Variants in CREBBP observed in about 807,000 individuals in gnomAD.
CREBBP encodes CREB binding lysine acetyltransferase, also known as CREB-binding protein.
CREBBP carries 19 observed loss-of-function variants against 265.0 expected under a neutral mutation model. That is an observed-to-expected ratio of 0.07 (90% CI 0.05 to 0.11). The LOEUF (loss-of-function observed/expected upper bound fraction) is 0.11. Ranked by LOEUF, CREBBP falls within the 10% of genes least tolerant of loss-of-function variation. CREBBP has a pLI of 1.00. For missense variants in CREBBP, 2,525 were observed against 3,219.0 expected, an observed-to-expected ratio of 0.78 and a Z score of 5.22; for synonymous variants, 1,457 against 1,223.7, an observed-to-expected ratio of 1.19 and a Z score of -3.98.
intron 2 of CREBBP, among the ~76,000 whole-genome samples, chr16:3,839,988 G>C (rs2054535728): frequency 6.6e-6 from 1 of 152,100 alleles, no homozygotes. Context: ...GTCATAATAA[G>C]ATCCCTGAGC....
At chr16:3,813,482 T>C (rs765040088) in intron 2 of CREBBP, among the ~76,000 whole-genome samples, 14 of 152,240 alleles carry the variant, frequency 9.2e-5, no homozygotes, top group Non-Finnish European at 1.5e-4. Flanking sequence ...ACTAAATTAA[T>C]TCCATGGAAC....
At chr16:3,815,707 T>A (rs903110882) in intron 2 of CREBBP, among the ~76,000 whole-genome samples, 2 of 151,990 alleles carry the variant, frequency 1.3e-5, no homozygotes, top group Non-Finnish European at 2.9e-5. Context: ...ATGGGTTACA[T>A]GAGTTTTTTT....
intron 25 of CREBBP, 138 bp from the exon 26 acceptor site, chr16:3,738,810 G>C (rs1233855580): frequency 2.9e-6 from 2 of 686,512 alleles, no homozygotes; most frequent in East Asian, 5.4e-5. Flanking sequence ...CGGTGACGCG[G>C]TCACAGCTCA....
intron 2 of CREBBP, among the ~76,000 whole-genome samples, chr16:3,845,218 G>A (rs756704067): frequency 3.3e-5 from 5 of 152,122 alleles, no homozygotes; most frequent in Non-Finnish European, 5.9e-5. Flanking sequence ...CTCTGTAGTG[G>A]GGTTCAGGCA....
Position 3,851,050 on chromosome 16 carries a change from C to G in CREBBP, c.86-41G>C, listed in dbSNP as rs766190725. 1.9e-6 allele frequency: 3 copies of G among 1,545,566 alleles called. No homozygotes were observed. In the Admixed American group the frequency reaches 5.0e-5, roughly 26 times the overall value. On this transcript the variant is annotated intron_variant, in intron 1 of 30. Coordinates refer to ENST00000262367, the MANE Select transcript of CREBBP (RefSeq NM_004380.3). ...AAATGGAAATGAGAAACTAAGCAAC[C>G]TTTACAGCTCTCCAACTGCCACGTT...
intron 28 of CREBBP, among the ~76,000 whole-genome samples, chr16:3,732,323 G>T (rs1208270986): frequency 6.6e-6 from 1 of 152,234 alleles, no homozygotes; most frequent in Non-Finnish European, 1.5e-5. Context: ...ACACACCCGA[G>T]AAAGCATGAG....
intron 20 of CREBBP, among the ~76,000 whole-genome samples, chr16:3,750,325 T>A (rs1333206132): frequency 6.6e-6 from 1 of 152,192 alleles, no homozygotes; most frequent in African/African-American, 2.4e-5. Context: ...TCTTACAAGT[T>A]AGGTTTTTTC....
At chr16:3,876,219 T>G (rs2055396717) in intron 1 of CREBBP, among the ~76,000 whole-genome samples, 1 of 151,826 alleles carries the variant, frequency 6.6e-6, no homozygotes, top group African/African-American at 2.4e-5. Context: ...AAAAAATTTT[T>G]TGTTTAGATG....
intron 16 of CREBBP, chr16:3,767,441 A>T (rs1349119753): frequency 1.8e-6 from 1 of 552,260 alleles, no homozygotes; most frequent in East Asian, 3.1e-5. Flanking sequence ...ACACATTTCA[A>T]CTCGGCCCCT....
chr16:3,853,377 A>G (rs898169014), intron 1 of CREBBP, among the ~76,000 whole-genome samples: 5 of 152,136 alleles, frequency 3.3e-5, no homozygotes, highest in South Asian at 4.1e-4. Flanking sequence ...TTGGGAGGCC[A>G]AGGTAGGCGG....
chr16:3,760,867 G>A (rs746832154), intron 16 of CREBBP, among the ~76,000 whole-genome samples: 2 of 150,802 alleles, frequency 1.3e-5, no homozygotes, highest in Non-Finnish European at 3.0e-5. Flanking sequence ...TGAACTCTCG[G>A]CCTCAAGTGA....
At chr16:3,876,192 T>C (rs908051565) in intron 1 of CREBBP, among the ~76,000 whole-genome samples, 1 of 151,720 alleles carries the variant, frequency 6.6e-6, no homozygotes, top group Non-Finnish European at 1.5e-5. Flanking sequence ...GATTGTACTA[T>C]TACACCCAAC....
chr16:3,772,327 A>G (rs1404575401), intron 13 of CREBBP, among the ~76,000 whole-genome samples: 1 of 108,292 alleles, frequency 9.2e-6, no homozygotes, highest in African/African-American at 3.1e-5. Context: ...TCTGAAACAC[A>G]AACACACACA....
chr16:3,726,339 A>T lies in CREBBP; in HGVS notation c.*1379T>A, dbSNP rs1476281826. Reference sequence around the variant, plus strand: ...GGAGGAGTGGGCCAAATGCAGTTTCAGACCAACTGACGACCCTAACTGTGT... The same window carrying T: ...GGAGGAGTGGGCCAAATGCAGTTTCTGACCAACTGACGACCCTAACTGTGT... On this transcript the variant is annotated 3_prime_UTR_variant, in exon 31 of 31. Transcript: ENST00000262367. 8.6e-6 allele frequency: 2 copies of T among 233,156 alleles called. No individual in the cohort carries two copies. The highest frequency in any genetic ancestry group is 1.7e-5 in the Non-Finnish European group (2 of 118,090). 14.4% of individuals were successfully genotyped at this position (233,156 alleles called of 1,614,324 possible). A position where few individuals can be genotyped will look rare whatever the true frequency, so the allele number is the denominator to read the frequency against.
At chr16:3,735,895 G>A (rs1490348947) in intron 28 of CREBBP, 141 bp downstream of exon 28, 1 of 1,318,080 alleles carries the variant, frequency 7.6e-7, no homozygotes, top group Non-Finnish European at 1.1e-6. Context: ...AACGCCCTGT[G>A]CTGCAGGTGG....
chr16:3,859,476 G>A (rs1461663058), intron 1 of CREBBP, among the ~76,000 whole-genome samples: 1 of 152,180 alleles, frequency 6.6e-6, no homozygotes, highest in Admixed American at 6.5e-5. Flanking sequence ...TTATAGGTGT[G>A]AGCCACCACA....
At chr16:3,773,607 G>A in intron 13 of CREBBP, 144 bp downstream of exon 13, 6 of 875,410 alleles carry the variant, frequency 6.9e-6, no homozygotes, top group Non-Finnish European at 1.0e-5. Context: ...CAAAGGTGGA[G>A]AAAACAAAGA....
chr16:3,814,803 G>C (rs1461241992), intron 2 of CREBBP, among the ~76,000 whole-genome samples: 1 of 152,172 alleles, frequency 6.6e-6, no homozygotes, highest in Non-Finnish European at 1.5e-5. Context: ...AAAAATTCCC[G>C]TCTTTAGCCT....
At chr16:3,852,063 A>C (rs568413368) in intron 1 of CREBBP, among the ~76,000 whole-genome samples, 2,030 of 141,236 alleles carry the variant, frequency 0.014, 13 homozygotes, top group East Asian at 0.095. Context: ...AAAAAAAAAA[A>C]AAAAAAAAAA....
Sources: allele counts gnomAD v4.1 joint callset (sites outside exome capture counted in the v4.1 genomes callset), GRCh38; gene constraint gnomAD v4.1.1; transcripts MANE v1.5; gene names NCBI Gene and HGNC (gene_info 2026-07-23, HGNC 2026-07-21).